The following ANOS1 variants were observed in gnomAD, a reference collection of about 807,000 sequenced individuals.
The protein encoded by ANOS1 is anosmin-1.
Under a neutral mutation model 59.0 loss-of-function variants are expected in ANOS1, and 6 were observed. That is an observed-to-expected ratio of 0.10 (90% confidence interval 0.06 to 0.20). The LOEUF is 0.20. Ranked by LOEUF, ANOS1 falls within the 10% of genes least tolerant of loss-of-function variation. The pLI is 1.00. For missense variants in ANOS1, 433 were observed against 542.3 expected, an observed-to-expected ratio of 0.80 and a Z score of 2.00; for synonymous variants, 217 against 223.4, an observed-to-expected ratio of 0.97 and a Z score of 0.25.
At chrX:8,621,399 T>G (rs928507192) in intron 3 of ANOS1, among the ~76,000 whole-genome samples, 1 of 110,205 alleles carries the variant, frequency 9.1e-6, no homozygotes, top group Non-Finnish European at 1.9e-5. Context: ...TATAGATGTA[T>G]AGTTTGTGTA....
At chrX:8,595,921 T>C (rs1930727565) in intron 4 of ANOS1, among the ~76,000 whole-genome samples, 1 of 110,905 alleles carries the variant, frequency 9.0e-6, no homozygotes, top group South Asian at 3.9e-4. Flanking sequence ...TCCTGTCAGA[T>C]CATCAGCAGC....
chrX:8,731,568 G>T (rs948507658), intron 1 of ANOS1, among the ~76,000 whole-genome samples: 3 of 112,462 alleles, frequency 2.7e-5, no homozygotes, highest in Non-Finnish European at 5.6e-5. Flanking sequence ...CCCTCCCCAG[G>T]GAAATCGCCT....
chrX:8,703,234 G>A (rs1932765392), intron 1 of ANOS1, among the ~76,000 whole-genome samples: 1 of 112,226 alleles, frequency 8.9e-6, no homozygotes, highest in African/African-American at 3.2e-5. Context: ...GGCAGCTCTT[G>A]GTCCTCACAG....
At chrX:8,596,870 G>A (rs1426218526) in intron 4 of ANOS1, among the ~76,000 whole-genome samples, 164 bp downstream of exon 4, 2 of 111,832 alleles carry the variant, frequency 1.8e-5, no homozygotes, top group Non-Finnish European at 3.8e-5. Flanking sequence ...TAATCTTTAT[G>A]GGTCTGTGAT....
chrX:8,553,862 C>T (rs2069763032), intron 9 of ANOS1, 90 bp downstream of exon 9: 1 of 885,187 alleles, frequency 1.1e-6, no homozygotes, highest in Non-Finnish European at 1.7e-6. Context: ...AGTATTGATA[C>T]TGTGGCTTGA....
At chrX:8,625,834 C>T (rs1439596400) in intron 2 of ANOS1, among the ~76,000 whole-genome samples, 5 of 110,565 alleles carry the variant, frequency 4.5e-5, no homozygotes, top group South Asian at 7.7e-4. Context: ...TGCCATTGGC[C>T]GGGCACGGTG....
chrX:8,698,753 T>C (rs992653040), intron 2 of ANOS1, among the ~76,000 whole-genome samples: 2 of 111,925 alleles, frequency 1.8e-5, no homozygotes, highest in Non-Finnish European at 3.8e-5. Flanking sequence ...AAAGTAACAC[T>C]CATGTGTATT....
chrX:8,671,415 C>T (rs1355172018), intron 2 of ANOS1, among the ~76,000 whole-genome samples: 1 of 111,069 alleles, frequency 9.0e-6, no homozygotes, highest in African/African-American at 3.3e-5. Flanking sequence ...TGTGTATTAA[C>T]TGAGCAAACA....
At chrX:8,697,160 T>C (rs1468795595) in intron 2 of ANOS1, among the ~76,000 whole-genome samples, 1 of 111,718 alleles carries the variant, frequency 9.0e-6, no homozygotes, top group African/African-American at 3.3e-5. Flanking sequence ...GGAGAATTGC[T>C]TGAATCCGGG....
rs1163108965 is a variant in ANOS1, at chrX:8,732,031, C to A, written c.6G>T (p.Val2=). 1 of 988,090 alleles carries A rather than the reference C, an allele frequency of 1.0e-6. No individual in the cohort carries two copies. The highest frequency in any genetic ancestry group is 4.0e-5 in the South Asian group (1 of 24,735). 81.4% of individuals were successfully genotyped at this position (988,090 alleles called of 1,213,427 possible). Reference sequence around the variant, plus strand: ...TCAGGACCGCGCCGGGCACCCCGGGCACCATGGCTGCGGGTCGAGGGCGAG... The same window carrying A: ...TCAGGACCGCGCCGGGCACCCCGGGAACCATGGCTGCGGGTCGAGGGCGAG... M[V]PGVPGAVLTL... is the part of the protein sequence containing the mutation. Residue 2 remains valine, a synonymous_variant, in exon 1 of 14, where the codon GTG becomes GTT. Transcript: ENST00000262648.
At chrX:8,562,186 C>T (rs775852477) in intron 8 of ANOS1, among the ~76,000 whole-genome samples, 2 of 111,198 alleles carry the variant, frequency 1.8e-5, no homozygotes, top group Non-Finnish European at 3.8e-5. Context: ...AGTGATCTGC[C>T]CATCTTGGCC....
rs569972589 is a variant in ANOS1 at position 8,594,302 on chromosome X, C to T, written c.541+2732G>A. 1.6e-3 allele frequency among the ~76,000 whole-genome samples: 175 copies of T among 109,960 alleles called. 1 individual carries two copies. Among genetic ancestry groups the T allele is most frequent in the Middle Eastern group, 9.2e-3 (2 of 218 alleles). On this transcript the variant is annotated intron_variant, in intron 4 of 13. Transcript: ENST00000262648. ...TTGGAGGTAGGAAAGACAGTGATCA[C>T]GAGTATCCTAAGATTGCAGGTTGGT...
chrX:8,713,884 A>G (rs780301297), intron 1 of ANOS1, among the ~76,000 whole-genome samples: 24 of 111,755 alleles, frequency 2.1e-4, no homozygotes, highest in Non-Finnish European at 4.3e-4. Context: ...AAGTGCTGGG[A>G]TTACAGGCAT....
intron 2 of ANOS1, among the ~76,000 whole-genome samples, chrX:8,696,369 G>C (rs920468961): frequency 1.8e-5 from 2 of 112,497 alleles, no homozygotes; most frequent in Non-Finnish European, 3.7e-5. Context: ...AATGGAGCTT[G>C]GGGAAATATA....
chrX:8,697,413 G>A (rs1199192322), intron 2 of ANOS1, among the ~76,000 whole-genome samples: 1 of 111,105 alleles, frequency 9.0e-6, no homozygotes, highest in Non-Finnish European at 1.9e-5. Context: ...TATGTTTGAA[G>A]GGTCTTTCCA....
At chrX:8,552,200 A>G (rs1348822337) in intron 9 of ANOS1, among the ~76,000 whole-genome samples, 1 of 112,551 alleles carries the variant, frequency 8.9e-6, no homozygotes, top group Non-Finnish European at 1.9e-5. Flanking sequence ...GGAAAATACC[A>G]CATGACAGAG....
intron 1 of ANOS1, among the ~76,000 whole-genome samples, chrX:8,715,759 G>T (rs893488409): frequency 1.8e-5 from 2 of 110,977 alleles, no homozygotes; most frequent in African/African-American, 6.6e-5. Flanking sequence ...GGGATCCAGG[G>T]TTACATACTA....
At position 8,659,552 on chromosome X, in the gene ANOS1, T is replaced by TCCTTCCTC. The variant is rs1555899850; in HGVS notation, c.256-35883_256-35882insGAGGAAGG. 9.5e-3 allele frequency among the ~76,000 whole-genome samples: 936 copies of TCCTTCCTC among 98,516 alleles called. 30 individuals are homozygous for TCCTTCCTC. The highest frequency in any genetic ancestry group is 0.035 in the African/African-American group (913 of 26,000). 85.5% of individuals were successfully genotyped at this position (98,516 alleles called of 115,157 possible). A position where few individuals can be genotyped will look rare whatever the true frequency, so the allele number is the denominator to read the frequency against. On this transcript the variant is annotated intron_variant, in intron 2 of 13. Transcript: ENST00000262648. ...CTTTCTTTCTCTTTCCTTCCTTCCT[T>TCCTTCCTC]CCTTCCTTCCTTCCTCCCTGCTTGC...
intron 9 of ANOS1, among the ~76,000 whole-genome samples, chrX:8,540,257 T>A (rs1929661635): frequency 9.0e-6 from 1 of 111,410 alleles, no homozygotes; most frequent in African/African-American, 3.3e-5. Flanking sequence ...AACATTCCCT[T>A]CACACTTGCA....
Sources: allele counts gnomAD v4.1 joint callset (sites outside exome capture counted in the v4.1 genomes callset), GRCh38; gene constraint gnomAD v4.1.1; transcripts MANE v1.5; gene names NCBI Gene and HGNC (gene_info 2026-07-23, HGNC 2026-07-21).